ZFYVE26: variants seen among roughly 807,000 people sequenced by gnomAD.
ZFYVE26 encodes the protein zinc finger FYVE-type containing 26, also known as zinc finger FYVE domain-containing protein 26.
A neutral mutation model predicts 276.5 loss-of-function variants in ZFYVE26; 181 were observed. That is an observed-to-expected ratio of 0.65 (90% CI 0.58 to 0.74). ZFYVE26 has a LOEUF of 0.74. ZFYVE26 is among the 30% of genes least tolerant of loss of function. ZFYVE26 has a pLI of 0.00. For missense variants in ZFYVE26, 2,821 were observed against 3,097.9 expected, an observed-to-expected ratio of 0.91 and a Z score of 2.12; for synonymous variants, 1,129 against 1,203.1, an observed-to-expected ratio of 0.94 and a Z score of 1.27.
chr14:67,804,378 C>G (rs530375626), intron 8 of ZFYVE26, 114 bp from the exon 9 acceptor site: 1 of 1,292,960 alleles, frequency 7.7e-7, no homozygotes, highest in East Asian at 2.5e-5. Flanking sequence ...CCACAGGCTT[C>G]CCTTCCCTAC....
intron 14 of ZFYVE26, among the ~76,000 whole-genome samples, 155 bp from the exon 15 acceptor site, chr14:67,790,928 A>G (rs2039798214): frequency 6.6e-6 from 1 of 152,226 alleles, no homozygotes; most frequent in Non-Finnish European, 1.5e-5. Flanking sequence ...AGAGCAGGTC[A>G]ACTATAAAAA....
intron 29 of ZFYVE26, 132 bp downstream of exon 29, chr14:67,769,462 A>C (rs2039146211): frequency 4.4e-6 from 6 of 1,360,954 alleles, no homozygotes; most frequent in Admixed American, 1.9e-5. Flanking sequence ...TGTAGAGTTA[A>C]TGGCATTTCA....
chr14:67,798,839 T>G (rs1003136879), intron 10 of ZFYVE26, among the ~76,000 whole-genome samples: 11 of 152,256 alleles, frequency 7.2e-5, no homozygotes, highest in African/African-American at 2.2e-4. Context: ...AAAGTACAGC[T>G]GGCCGGGTCC....
downstream of ZFYVE26, among the ~76,000 whole-genome samples, chr14:67,743,879 G>A (rs1262191120): frequency 6.6e-6 from 1 of 152,212 alleles, no homozygotes; most frequent in Non-Finnish European, 1.5e-5. Context: ...CTCGATGCAG[G>A]ACTGAGGGAA....
rs2038498875 is a variant in ZFYVE26, at chr14:67,746,880, C to T, written c.*1556G>A. 6.6e-6 allele frequency: 1 copy of T among 152,630 alleles called. No homozygotes were observed. Among genetic ancestry groups the T allele is most frequent in the Non-Finnish European group, 1.5e-5 (1 of 68,046 alleles). The allele number at this position is 152,630 out of a possible 1,614,324, so 9.5% of individuals were successfully genotyped here. ...GTTCTATGACTCAAGGAAGGAAAAGCCAAACTTTAGCCCAAATGGGTCTAG... is the reference window on the plus strand; with the variant it reads ...GTTCTATGACTCAAGGAAGGAAAAGTCAAACTTTAGCCCAAATGGGTCTAG... On this transcript the variant is annotated 3_prime_UTR_variant, in exon 42 of 42. Coordinates refer to ENST00000347230, the MANE Select transcript of ZFYVE26 (RefSeq NM_015346.4).
chr14:67,800,362 T>C (rs774535140), intron 10 of ZFYVE26, among the ~76,000 whole-genome samples: 8 of 152,196 alleles, frequency 5.3e-5, no homozygotes, highest in Non-Finnish European at 1.2e-4. Flanking sequence ...GCTGAATGTC[T>C]TGAGTTGGGC....
At position 67,798,680 on chromosome 14, in the gene ZFYVE26, A is replaced by G. The variant is rs541798153; in HGVS notation, c.1640-58T>C. 99 of 1,605,836 alleles carry G rather than the reference A, an allele frequency of 6.2e-5. 1 individual carries two copies. The highest frequency in any genetic ancestry group is 6.1e-4 in the South Asian group (55 of 90,738). On this transcript the variant is annotated intron_variant, in intron 10 of 41. Coordinates refer to ENST00000347230, the MANE Select transcript of ZFYVE26 (RefSeq NM_015346.4). ...GAAAGAGAAGACAGAGAATGCAAAC[A>G]TTAGAAACATTACCTCCCAGCGTCA...
chr14:67,743,348 C>T (rs2038441327), downstream of ZFYVE26, among the ~76,000 whole-genome samples: 2 of 151,766 alleles, frequency 1.3e-5, no homozygotes, highest in Admixed American at 6.6e-5. Context: ...AAAAGTAGCC[C>T]AGCCTTGTTG....
At chr14:67,796,003 C>A (rs1320128046) in intron 12 of ZFYVE26, among the ~76,000 whole-genome samples, 1 of 152,064 alleles carries the variant, frequency 6.6e-6, no homozygotes, top group Non-Finnish European at 1.5e-5. Context: ...TTTAAAAAAT[C>A]TAATACTATT....
At chr14:67,802,348 A>G in intron 9 of ZFYVE26, 66 bp from the exon 10 acceptor site, 1 of 1,520,602 alleles carries the variant, frequency 6.6e-7, no homozygotes, top group Non-Finnish European at 9.1e-7. Flanking sequence ...GTATGGGTGA[A>G]GCAAAGAGAT....
At chr14:67,767,998 C>T (rs968414283) in intron 30 of ZFYVE26, among the ~76,000 whole-genome samples, 158 bp from the exon 31 acceptor site, 1 of 152,206 alleles carries the variant, frequency 6.6e-6, no homozygotes, top group African/African-American at 2.4e-5. Context: ...GGACACCCCA[C>T]TAAGCACCTC....
At chr14:67,750,288 T>C (rs2038601629) in intron 41 of ZFYVE26, among the ~76,000 whole-genome samples, 1 of 152,206 alleles carries the variant, frequency 6.6e-6, no homozygotes, top group African/African-American at 2.4e-5. Context: ...GCCCATTAAG[T>C]TCAGTCCCAG....
At chr14:67,813,487 T>C (rs1594942928) in intron 3 of ZFYVE26, among the ~76,000 whole-genome samples, 1 of 152,208 alleles carries the variant, frequency 6.6e-6, no homozygotes, top group Non-Finnish European at 1.5e-5. Flanking sequence ...CAGGTTTTTT[T>C]TTTCAATATT....
At chr14:67,815,568 G>A in intron 2 of ZFYVE26, 1 of 631,414 alleles carries the variant, frequency 1.6e-6, no homozygotes, top group Non-Finnish European at 2.9e-6. Context: ...CTTACATTCA[G>A]TTGCAGATGA....
At chr14:67,755,449 G>C (rs1022822153) in intron 36 of ZFYVE26, among the ~76,000 whole-genome samples, 199 bp from the exon 37 acceptor site, 2 of 152,032 alleles carry the variant, frequency 1.3e-5, no homozygotes, top group Non-Finnish European at 2.9e-5. Context: ...TGGAGCTCTT[G>C]GGTAGGACAT....
intron 2 of ZFYVE26, 148 bp downstream of exon 2, chr14:67,815,622 G>T: frequency 1.3e-6 from 1 of 783,286 alleles, no homozygotes; most frequent in Non-Finnish European, 2.3e-6. Context: ...GTATACTATA[G>T]AGGTAAAATT....
Position 67,762,358 on chromosome 14 carries a change from C to A in ZFYVE26, c.6214G>T (p.Ala2072Ser), listed in dbSNP as rs1420965975. Residue 2072 changes from alanine to serine, a missense_variant, in exon 34 of 42, where the codon GCC becomes TCC. Physicochemically the swap from Ala to Ser is moderately conservative, Grantham distance 99. Transcript: ENST00000347230. The stretch of plus-strand genomic sequence containing the variant: ...GTGAGGTTCCCGGCTTTGAGGCAGG[C>A]CATGCCCCAAGCATGCCACGCCCCG... ...TTGAWHAWGMACLKAGNLTAA... is the reference protein window; with the variant it reads ...TTGAWHAWGMSCLKAGNLTAA... The A allele has an allele frequency of 8.7e-6, 14 of 1,614,060 alleles. No homozygotes were observed. The highest frequency in any genetic ancestry group is 1.2e-5 in the Non-Finnish European group (14 of 1,180,038).
chr14:67,806,873 A>G (rs1023006912), intron 5 of ZFYVE26, among the ~76,000 whole-genome samples, 198 bp from the exon 6 acceptor site: 3 of 152,074 alleles, frequency 2.0e-5, no homozygotes, highest in Non-Finnish European at 2.9e-5. Context: ...TGCTATTGCT[A>G]TTACTTTATT....
At chr14:67,776,777 C>T (rs531602083) in intron 25 of ZFYVE26, among the ~76,000 whole-genome samples, 2 of 152,354 alleles carry the variant, frequency 1.3e-5, no homozygotes, top group Non-Finnish European at 2.9e-5. Context: ...TACTCAGCTA[C>T]AGCACATTGG....
Sources: gnomAD v4.1 joint callset for allele counts (sites outside exome capture counted in the v4.1 genomes callset) on GRCh38, gnomAD v4.1.1 for gene constraint, MANE v1.5 for transcripts, NCBI Gene and HGNC (gene_info 2026-07-23, HGNC 2026-07-21) for gene names.